The following PCDH9 variants were observed in gnomAD, a reference collection of about 807,000 sequenced individuals.
The protein encoded by PCDH9 is protocadherin 9.
Under a neutral mutation model 70.6 loss-of-function variants are expected in PCDH9, and 24 were observed. That is an observed-to-expected ratio of 0.34 (90% CI 0.25 to 0.48). The LOEUF is 0.48. Among genes scored for constraint, PCDH9 ranks in the 20% least tolerant of loss-of-function variants. The pLI is 0.99. For missense variants in PCDH9, 1,281 were observed against 1,503.6 expected, an observed-to-expected ratio of 0.85 and a Z score of 2.45; for synonymous variants, 562 against 558.5, an observed-to-expected ratio of 1.01 and a Z score of -0.09.
intron 2 of PCDH9, among the ~76,000 whole-genome samples, chr13:67,147,770 T>A (rs2087558127): frequency 1.3e-5 from 2 of 152,224 alleles, no homozygotes; most frequent in Non-Finnish European, 2.9e-5. Flanking sequence ...ATTCCCTCAA[T>A]GAGTATCAGG....
chr13:66,795,796 C>T (rs541307230), intron 3 of PCDH9, among the ~76,000 whole-genome samples: 1 of 152,276 alleles, frequency 6.6e-6, no homozygotes, highest in Admixed American at 6.5e-5. Flanking sequence ...TGTTCTACAA[C>T]TGAACTTTTA....
At chr13:66,355,917 A>G (rs1956375207) in intron 4 of PCDH9, among the ~76,000 whole-genome samples, 1 of 152,116 alleles carries the variant, frequency 6.6e-6, no homozygotes, top group South Asian at 2.1e-4. Context: ...AGACTTCACA[A>G]TGATGTCTTC....
chr13:66,885,803 C>G (rs2081995509), intron 3 of PCDH9, among the ~76,000 whole-genome samples: 1 of 152,126 alleles, frequency 6.6e-6, no homozygotes, highest in Admixed American at 6.5e-5. Flanking sequence ...AAATGGAGAT[C>G]TCTGCTGGGC....
At chr13:66,488,348 C>T (rs1958979401) in intron 4 of PCDH9, among the ~76,000 whole-genome samples, 1 of 152,118 alleles carries the variant, frequency 6.6e-6, no homozygotes. Flanking sequence ...AATCTGATTT[C>T]CTAATTAACG....
At chr13:66,771,095 G>A (rs912795779) in intron 3 of PCDH9, among the ~76,000 whole-genome samples, 1 of 151,974 alleles carries the variant, frequency 6.6e-6, no homozygotes, top group African/African-American at 2.4e-5. Context: ...TTTAAGAGAA[G>A]AGGTCTTGCT....
At chr13:66,908,073 T>C (rs2082393314) in intron 2 of PCDH9, among the ~76,000 whole-genome samples, 1 of 152,246 alleles carries the variant, frequency 6.6e-6, no homozygotes, top group Non-Finnish European at 1.5e-5. Context: ...ATGAATCTAC[T>C]TTAAATAATT....
intron 4 of PCDH9, among the ~76,000 whole-genome samples, chr13:66,599,058 T>C (rs2077135035): frequency 6.6e-6 from 1 of 151,946 alleles, no homozygotes; most frequent in African/African-American, 2.4e-5. Context: ...AAATTTAGAG[T>C]TATTTCCTTT....
intron 4 of PCDH9, among the ~76,000 whole-genome samples, chr13:66,375,129 A>G (rs937289359): frequency 1.2e-4 from 19 of 152,250 alleles, no homozygotes; most frequent in African/African-American, 4.6e-4. Flanking sequence ...TGCCAATAGT[A>G]TAGTTACTTT....
At chr13:66,734,548 T>C (rs2079120291) in intron 3 of PCDH9, among the ~76,000 whole-genome samples, 2 of 152,204 alleles carry the variant, frequency 1.3e-5, no homozygotes, top group South Asian at 4.1e-4. Context: ...TCCTCAGATT[T>C]TGCAATTTGG....
At chr13:67,026,764 C>T (rs376987799) in intron 2 of PCDH9, among the ~76,000 whole-genome samples, 6,465 of 151,786 alleles carry the variant, frequency 0.043, 173 homozygotes, top group Middle Eastern at 0.12. Context: ...TTCTTATACA[C>T]CAACAACAGA....
At chr13:66,909,989 T>C (rs1187043628) in intron 2 of PCDH9, among the ~76,000 whole-genome samples, 3 of 152,132 alleles carry the variant, frequency 2.0e-5, no homozygotes, top group Non-Finnish European at 4.4e-5. Context: ...AATACTCTCT[T>C]GACCCTACAG....
At chr13:66,524,942 A>G (rs1405031698) in intron 4 of PCDH9, among the ~76,000 whole-genome samples, 1 of 152,078 alleles carries the variant, frequency 6.6e-6, no homozygotes, top group Non-Finnish European at 1.5e-5. Context: ...CAATGAAATT[A>G]TTTTCTATTA....
chr13:66,541,822 A>C (rs1960969680), intron 4 of PCDH9, among the ~76,000 whole-genome samples: 1 of 152,216 alleles, frequency 6.6e-6, no homozygotes, highest in African/African-American at 2.4e-5. Context: ...GTTATAGACA[A>C]ATAACTGAAA....
chr13:66,841,460 G>A (rs898619380), intron 3 of PCDH9, among the ~76,000 whole-genome samples: 2 of 152,204 alleles, frequency 1.3e-5, no homozygotes, highest in East Asian at 3.9e-4. Flanking sequence ...TTAAGATCAA[G>A]GGATATAATT....
intron 2 of PCDH9, among the ~76,000 whole-genome samples, chr13:67,132,775 G>A (rs1216697027): frequency 1.3e-5 from 2 of 151,960 alleles, no homozygotes; most frequent in East Asian, 3.9e-4. Flanking sequence ...TTAATGTATA[G>A]GAGGTCAATA....
At chr13:66,638,185 TA>T (rs1227318992) in intron 3 of PCDH9, among the ~76,000 whole-genome samples, 1 of 152,176 alleles carries the variant, frequency 6.6e-6, no homozygotes, top group Non-Finnish European at 1.5e-5. Flanking sequence ...ACTTCCTAAA[TA>T]AGATCATATT....
intron 2 of PCDH9, among the ~76,000 whole-genome samples, chr13:67,153,881 A>G (rs938799328): frequency 2.0e-5 from 3 of 152,194 alleles, no homozygotes; most frequent in Non-Finnish European, 2.9e-5. Context: ...ATCATGTTGC[A>G]TAAATGACAA....
intron 4 of PCDH9, among the ~76,000 whole-genome samples, chr13:66,347,674 C>T (rs1956233080): frequency 6.6e-6 from 1 of 152,148 alleles, no homozygotes; most frequent in African/African-American, 2.4e-5. Context: ...ACCGGCCCTC[C>T]TGCCCAGCCT....
In PCDH9 at chr13:66,959,309, C is replaced by T. The variant is rs1594314223; in HGVS notation, c.3037-55704G>A. 3.9e-5 allele frequency among the ~76,000 whole-genome samples: 6 copies of T among 152,078 alleles called. No individual in the cohort carries two copies. In the South Asian group the frequency reaches 1.0e-3, roughly 26 times the overall value. On this transcript the variant is annotated intron_variant, in intron 2 of 4. Transcript: ENST00000377865. Reference sequence around the variant, plus strand: ...ACTTTAAAATTTAAAAAATAACAAACAACATTCTACATCACTTTTTTTCTA... The same window carrying T: ...ACTTTAAAATTTAAAAAATAACAAATAACATTCTACATCACTTTTTTTCTA...
Sources: allele counts gnomAD v4.1 joint callset (sites outside exome capture counted in the v4.1 genomes callset), GRCh38; gene constraint gnomAD v4.1.1; transcripts MANE v1.5; gene names NCBI Gene and HGNC (gene_info 2026-07-23, HGNC 2026-07-21).